The following OPTN variants were observed in gnomAD, a reference collection of about 807,000 sequenced individuals.
The protein encoded by OPTN is optineurin.
In OPTN, 54 loss-of-function variants were observed where a neutral mutation model predicts 70.4. The ratio of observed to expected loss-of-function variants is 0.77; its 90% CI spans 0.62 to 0.96. OPTN has a LOEUF of 0.96. Among genes scored for constraint, OPTN ranks in the 40% least tolerant of loss-of-function variants. OPTN has a pLI of 0.00. For missense variants in OPTN, 624 were observed against 673.2 expected, an observed-to-expected ratio of 0.93 and a Z score of 0.81; for synonymous variants, 256 against 248.5, an observed-to-expected ratio of 1.03 and a Z score of -0.28.
At chr10:13,113,471 A>G (rs1460359327) in intron 5 of OPTN, among the ~76,000 whole-genome samples, 1 of 152,198 alleles carries the variant, frequency 6.6e-6, no homozygotes, top group Non-Finnish European at 1.5e-5. Flanking sequence ...GCAGCTACTC[A>G]GGAGCCTCTG....
At chr10:13,103,317 G>C (rs1049843669) in intron 1 of OPTN, among the ~76,000 whole-genome samples, 1 of 152,188 alleles carries the variant, frequency 6.6e-6, no homozygotes, top group African/African-American at 2.4e-5. Context: ...AGTTTTCACT[G>C]TTTAAAACTC....
At chr10:13,104,903 C>G (rs146008055) in intron 1 of OPTN, 2 of 279,628 alleles carry the variant, frequency 7.2e-6, no homozygotes, top group Non-Finnish European at 1.4e-5. Context: ...GGAGGCGAGT[C>G]GGCCAGAAAG....
chr10:13,112,981 G>A (rs1833041820), intron 5 of OPTN, among the ~76,000 whole-genome samples: 2 of 151,684 alleles, frequency 1.3e-5, no homozygotes, highest in African/African-American at 2.4e-5. Context: ...GCTGTATTCC[G>A]CAGTTCACTT....
chr10:13,127,806 A>C lies in OPTN; in HGVS notation c.1304A>C (p.Lys435Thr), dbSNP rs749217352. The part of the protein sequence containing the change: ...ELSEKLELAE[K>T]ALASKQLQMD... The stretch of plus-strand genomic sequence containing the variant: ...AGTGAAAAACTGGAACTGGCAGAGA[A>C]GGCTCTGGCTTCCAAACAGCTGCAA... The change falls in exon 12 of 15, where the codon AAG becomes ACG. Residue 435 changes from lysine (K) to threonine (T), a missense_variant. By Grantham distance (78) the Lys-to-Thr change is moderately conservative (BLOSUM62 -1). Transcript: ENST00000378747. 1 of 1,614,172 alleles carries C rather than the reference A, an allele frequency of 6.2e-7. No individual in the cohort carries two copies. Among genetic ancestry groups the C allele is most frequent in the Non-Finnish European group, 8.5e-7 (1 of 1,179,988 alleles).
chr10:13,118,544 C>A (rs191797428), intron 6 of OPTN, among the ~76,000 whole-genome samples: 40 of 152,356 alleles, frequency 2.6e-4, no homozygotes, highest in Non-Finnish European at 5.4e-4. Context: ...GACTAGATCT[C>A]TGGAAAGCTT....
chr10:13,115,270 TAATGA>T (rs1833151169), intron 5 of OPTN, among the ~76,000 whole-genome samples: 3 of 105,386 alleles, frequency 2.8e-5, no homozygotes, highest in African/African-American at 1.2e-4. Flanking sequence ...TATATTTATA[TAATGA>T]ATACATATAA....
intron 1 of OPTN, among the ~76,000 whole-genome samples, chr10:13,104,055 ATC>A (rs1462909546): frequency 2.0e-5 from 3 of 152,178 alleles, no homozygotes; most frequent in Non-Finnish European, 4.4e-5. Context: ...TATGTAATGT[ATC>A]TCTGTCTTTC....
At chr10:13,123,627 G>C (rs1432118278) in intron 8 of OPTN, among the ~76,000 whole-genome samples, 1 of 152,204 alleles carries the variant, frequency 6.6e-6, no homozygotes, top group African/African-American at 2.4e-5. Flanking sequence ...CATACACTGG[G>C]AAGAGAGTAT....
At chr10:13,115,373 T>A (rs1192117605) in intron 5 of OPTN, among the ~76,000 whole-genome samples, 4 of 106,356 alleles carry the variant, frequency 3.8e-5, no homozygotes, top group Admixed American at 1.3e-4. Context: ...TATACACTTA[T>A]ATATGTATCT....
intron 12 of OPTN, 57 bp downstream of exon 12, chr10:13,127,960 A>T: frequency 6.4e-7 from 1 of 1,561,486 alleles, no homozygotes; most frequent in Non-Finnish European, 8.8e-7. Flanking sequence ...GTATTCTCGC[A>T]TTGGAAAGCA....
intron 10 of OPTN, 116 bp from the exon 11 acceptor site, chr10:13,125,830 G>A: frequency 1.2e-6 from 1 of 843,134 alleles, no homozygotes; most frequent in African/African-American, 1.7e-5. Flanking sequence ...GTCGTGGGGT[G>A]ATAAAGGTAG....
intron 3 of OPTN, chr10:13,109,635 GGGCAAGAT>G (rs1331190181): frequency 4.3e-6 from 1 of 233,336 alleles, no homozygotes; most frequent in East Asian, 1.1e-4. Flanking sequence ...AGACCAGCCT[GGGCAAGAT>G]GGCAAGACCT....
At chr10:13,124,216 AAT>A (rs570827782) in intron 9 of OPTN, 106 bp downstream of exon 9, 59 of 663,714 alleles carry the variant, frequency 8.9e-5, no homozygotes, top group South Asian at 8.5e-4. Context: ...CTAAAAGAAA[AAT>A]AGACACCTAA....
chr10:13,107,219 A>G (rs868535823), intron 1 of OPTN, among the ~76,000 whole-genome samples: 1 of 151,602 alleles, frequency 6.6e-6, no homozygotes, highest in African/African-American at 2.4e-5. Context: ...TACTAAAAAT[A>G]CAAAAATTGG....
chr10:13,109,193 C>T lies in OPTN; in HGVS notation c.71C>T (p.Pro24Leu), dbSNP rs374055453. 1 of 1,613,900 alleles carries T rather than the reference C, an allele frequency of 6.2e-7. No homozygotes were observed. The highest frequency in any genetic ancestry group is 1.1e-5 in the South Asian group (1 of 91,058). ...DSPSESTGNG[P>L]PHLAHPNLDT... Reference sequence around the variant, plus strand: ...CCCAGTGAAAGCACAGGAAATGGACCCCCCCACCTGGCCCACCCAAACCTG... The same window carrying T: ...CCCAGTGAAAGCACAGGAAATGGACTCCCCCACCTGGCCCACCCAAACCTG... Residue 24 changes from proline to leucine, a missense_variant, in exon 3 of 15, where the codon CCC (proline) becomes CTC (leucine). Transcript: ENST00000378747.
In OPTN at chr10:13,133,537, C is replaced by CGA; in HGVS notation, c.1571_1572dup (p.Thr525GlufsTer42). ...ATGGAGATGCAGAGTCGTCATGGGG[C>CGA]GAGAACAAGTGACTCTGACCAGCAG... On this transcript the variant is annotated frameshift_variant, in exon 14 of 15. Transcript: ENST00000378747. LOFTEE classifies it high-confidence loss of function. 6.2e-7 allele frequency: 1 copy of CGA among 1,614,064 alleles called. No individual in the cohort carries two copies. Among genetic ancestry groups the CGA allele is most frequent in the Non-Finnish European group, 8.5e-7 (1 of 1,180,006 alleles).
intron 11 of OPTN, among the ~76,000 whole-genome samples, chr10:13,126,381 C>T (rs1471034133): frequency 5.3e-5 from 8 of 151,106 alleles, no homozygotes; most frequent in African/African-American, 2.0e-4. Context: ...CCTGGGTTCA[C>T]GCCATTCTCC....
intron 6 of OPTN, 49 bp from the exon 7 acceptor site, chr10:13,118,839 G>C (rs1204915426): frequency 1.3e-6 from 2 of 1,550,982 alleles, no homozygotes; most frequent in Non-Finnish European, 1.8e-6. Flanking sequence ...TCTCTTCTTA[G>C]TCTTTGGAAT....
At position 13,108,206 on chromosome 10, in the gene OPTN, C is replaced by A. The variant is rs1832909772; in HGVS notation, c.-95C>A. ...GAGCCGTACGCCTCTGTAAACCCAACTTCCTCACCTTTGAAACAGCTGCCT... is the reference window on the plus strand; with the variant it reads ...GAGCCGTACGCCTCTGTAAACCCAAATTCCTCACCTTTGAAACAGCTGCCT... On this transcript the variant is annotated 5_prime_UTR_variant, in exon 2 of 15. Coordinates refer to ENST00000378747, the MANE Select transcript of OPTN (RefSeq NM_001008212.2). The A allele has an allele frequency of 6.6e-6, 1 of 152,222 alleles. No homozygotes were observed. The highest frequency in any genetic ancestry group is 2.1e-4 in the South Asian group (1 of 4,822). 9.4% of individuals were successfully genotyped at this position (152,222 alleles called of 1,614,324 possible).
Sources: allele counts gnomAD v4.1 joint callset (sites outside exome capture counted in the v4.1 genomes callset), GRCh38; gene constraint gnomAD v4.1.1; transcripts MANE v1.5; gene names NCBI Gene and HGNC (gene_info 2026-07-23, HGNC 2026-07-21).